Variants in GPSM2 observed in about 807,000 individuals in gnomAD.
GPSM2 encodes the protein G protein signaling modulator 2.
GPSM2 carries 58 observed loss-of-function variants against 78.4 expected under a neutral mutation model. That is an observed-to-expected ratio of 0.74 (90% confidence interval 0.60 to 0.92). The LOEUF (loss-of-function observed/expected upper bound fraction) is 0.92, where lower values mean the gene tolerates loss of function less well. Ranked by LOEUF, GPSM2 falls within the 40% of genes least tolerant of loss-of-function variation. The probability of loss-of-function intolerance (pLI) is 0.00; values close to 1 mark genes in which losing one functional copy is unlikely to be tolerated. For missense variants in GPSM2, 700 were observed against 815.5 expected (o/e 0.86, Z 1.73); for synonymous variants, 224 against 280.2 (o/e 0.80, Z 2.00).
At position 108,891,664 on chromosome 1, in the gene GPSM2, A is replaced by ATTT. The variant is rs58295802; in HGVS notation, c.57-5182_57-5180dup. 1.1e-3 allele frequency among the ~76,000 whole-genome samples: 128 copies of ATTT among 117,170 alleles called. 1 individual carries two copies. Among genetic ancestry groups the ATTT allele is most frequent in the Non-Finnish European group, 1.4e-3 (83 of 57,940 alleles). 76.9% of individuals were successfully genotyped at this position (117,170 alleles called of 152,430 possible). A position where few individuals can be genotyped will look rare whatever the true frequency, so the allele number is the denominator to read the frequency against. ...AGGTGCATGCCACCACAGCCAGCTA[A>ATTT]TTTTTTTTTTTTTTTTTTTTGGTGG... On this transcript the variant is annotated intron_variant, in intron 2 of 14. Coordinates refer to ENST00000264126, the MANE Select transcript of GPSM2 (RefSeq NM_013296.5).
chr1:108,896,674 T>C (rs1648391271), intron 2 of GPSM2, among the ~76,000 whole-genome samples, 190 bp from the exon 3 acceptor site: 1 of 152,182 alleles, frequency 6.6e-6, no homozygotes, highest in South Asian at 2.1e-4. Context: ...CTCAGAGAAA[T>C]TCGAATAGGC....
At chr1:108,921,095 C>T (rs1482943255) in intron 12 of GPSM2, among the ~76,000 whole-genome samples, 1 of 152,160 alleles carries the variant, frequency 6.6e-6, no homozygotes, top group Non-Finnish European at 1.5e-5. Flanking sequence ...CCCTCTTTCA[C>T]TAACCACATC....
chr1:108,897,821 A>T (rs1436038995), intron 4 of GPSM2, 138 bp from the exon 5 acceptor site: 1 of 959,592 alleles, frequency 1.0e-6, no homozygotes, highest in Non-Finnish European at 1.6e-6. Flanking sequence ...TTCATAAGTA[A>T]TTATTTGATT....
rs1460766598 is a variant in GPSM2, at chr1:108,878,533, T to G, written c.-249+1305T>G. Reference sequence around the variant, plus strand: ...TAATATAGATCTGAGACTTGCTTACTAGACTAATTAAAACAGTGATAAGAT... The same window carrying G: ...TAATATAGATCTGAGACTTGCTTACGAGACTAATTAAAACAGTGATAAGAT... On this transcript the variant is annotated intron_variant, in intron 1 of 14. Transcript: ENST00000264126. Among the ~76,000 whole-genome samples, 3 of 152,220 alleles carry G rather than the reference T, an allele frequency of 2.0e-5. No homozygotes were observed. In the East Asian group the frequency reaches 5.8e-4, roughly 29 times the overall value.
intron 1 of GPSM2, chr1:108,882,432 C>T (rs1557852705): frequency 6.6e-6 from 1 of 152,034 alleles, no homozygotes; most frequent in South Asian, 2.1e-4. Context: ...ATACCTAATA[C>T]GATGTAAATG....
chr1:108,877,845 CTG>C (rs1363250267), intron 1 of GPSM2: 1 of 152,118 alleles, frequency 6.6e-6, no homozygotes, highest in East Asian at 1.9e-4. Flanking sequence ...AAAAAAAAAT[CTG>C]TAATTTCCTT....
chr1:108,925,536 AG>A (rs1651053780), intron 14 of GPSM2, among the ~76,000 whole-genome samples: 1 of 136,312 alleles, frequency 7.3e-6, no homozygotes, highest in Admixed American at 7.4e-5. Context: ...TGGGCTGGGG[AG>A]GGGTGGGGTG....
At chr1:108,915,408 TA>T (rs1452913585) in intron 11 of GPSM2, among the ~76,000 whole-genome samples, 13 of 150,450 alleles carry the variant, frequency 8.6e-5, no homozygotes, top group Admixed American at 8.6e-4. Flanking sequence ...TTCTTTTATG[TA>T]TATTTTTATT....
chr1:108,878,722 TAAC>T (rs1475243309), intron 1 of GPSM2, among the ~76,000 whole-genome samples: 8 of 152,236 alleles, frequency 5.3e-5, no homozygotes, highest in African/African-American at 1.7e-4. Flanking sequence ...TATTTTATAA[TAAC>T]AGTTACTGTT....
intron 10 of GPSM2, among the ~76,000 whole-genome samples, chr1:108,906,527 A>G (rs1435593894): frequency 6.8e-6 from 1 of 148,140 alleles, no homozygotes; most frequent in Non-Finnish European, 1.5e-5. Flanking sequence ...CATCTCTCAC[A>G]CTTACTTTTC....
intron 10 of GPSM2, among the ~76,000 whole-genome samples, chr1:108,908,908 G>A (rs9661456): frequency 0.024 from 3,667 of 151,324 alleles, 144 homozygotes; most frequent in African/African-American, 0.084. Flanking sequence ...GGAAGCTGAG[G>A]TGGGAGGATC....
chr1:108,878,600 TTCTAAGA>T (rs1188658124), intron 1 of GPSM2, among the ~76,000 whole-genome samples: 2 of 152,214 alleles, frequency 1.3e-5, no homozygotes, highest in African/African-American at 4.8e-5. Context: ...CATAAAATAT[TTCTAAGA>T]TCTATCTTTA....
chr1:108,902,778 C>G (rs967791206), intron 8 of GPSM2, among the ~76,000 whole-genome samples: 8 of 152,152 alleles, frequency 5.3e-5, no homozygotes, highest in African/African-American at 1.9e-4. Context: ...CCCTGCTGCT[C>G]AAACACACAC....
At chr1:108,917,877 G>A (rs1420546028) in intron 11 of GPSM2, among the ~76,000 whole-genome samples, 1 of 151,344 alleles carries the variant, frequency 6.6e-6, no homozygotes, top group Non-Finnish European at 1.5e-5. Context: ...ATTGATTGGA[G>A]TAGGGTTTAT....
chr1:108,929,731 C>T lies in GPSM2; in HGVS notation c.1846C>T (p.Pro616Ser). The T allele has an allele frequency of 1.2e-6, 2 of 1,612,772 alleles. No individual in the cohort carries two copies. The highest frequency in any genetic ancestry group is 1.7e-6 in the Non-Finnish European group (2 of 1,178,824). ...CAGATTAGATGATCAAAGATGTGCT[C>T]CACCACCTGCTACCACAAAGGGTCC... ...GSRLDDQRCA[P>S]PPATTKGPTV... Residue 616 changes from proline (P) to serine (S), a missense_variant, in exon 15 of 15, where the codon CCA (proline) becomes TCA (serine). Transcript: ENST00000264126.
At chr1:108,891,277 T>C (rs1045456439) in intron 2 of GPSM2, among the ~76,000 whole-genome samples, 2 of 152,320 alleles carry the variant, frequency 1.3e-5, no homozygotes, top group Middle Eastern at 3.4e-3. Flanking sequence ...AATACAGATA[T>C]GGTGTTGAAT....
At position 108,904,182 on chromosome 1, in the gene GPSM2, G is replaced by A; in HGVS notation, c.1120G>A (p.Val374Ile). The A allele has an allele frequency of 6.3e-7, 1 of 1,593,650 alleles. No individual in the cohort carries two copies. The highest frequency in any genetic ancestry group is 1.1e-5 in the South Asian group (1 of 90,636). Residue 374 changes from valine to isoleucine, a missense_variant, in exon 10 of 15, where the codon GTT becomes ATT. By Grantham distance (29) the Val-to-Ile change is conservative. Coordinates refer to ENST00000264126, the MANE Select transcript of GPSM2 (RefSeq NM_013296.5). Reference sequence around the variant, plus strand: ...ACTTAATCTCTCAGACCTTCAAATGGTTCTTGGTCTGAGCTACAGCACAAA... The same window carrying A: ...ACTTAATCTCTCAGACCTTCAAATGATTCTTGGTCTGAGCTACAGCACAAA... ...ARLNLSDLQMVLGLSYSTNNS... is the reference protein window; with the variant it reads ...ARLNLSDLQMILGLSYSTNNS...
chr1:108,914,064 C>T (rs568629744), intron 10 of GPSM2, among the ~76,000 whole-genome samples: 1 of 152,252 alleles, frequency 6.6e-6, no homozygotes, highest in African/African-American at 2.4e-5. Flanking sequence ...TATAAAATGC[C>T]TTTTTCAAAT....
chr1:108,903,568 C>G (rs1648991644), intron 9 of GPSM2, among the ~76,000 whole-genome samples: 1 of 152,152 alleles, frequency 6.6e-6, no homozygotes, highest in Non-Finnish European at 1.5e-5. Context: ...AGGACTGCTT[C>G]CTGTTGTAGT....
Sources: gnomAD v4.1 joint callset for allele counts (sites outside exome capture counted in the v4.1 genomes callset) on GRCh38, gnomAD v4.1.1 for gene constraint, MANE v1.5 for transcripts, NCBI Gene and HGNC (gene_info 2026-07-23, HGNC 2026-07-21) for gene names.